The following ABCB5 variants were observed in gnomAD, a reference collection of about 807,000 sequenced individuals.
ABCB5 encodes the protein ATP-binding cassette sub-family B member 5.
In ABCB5, 155 loss-of-function variants were observed where a neutral mutation model predicts 144.2. The ratio of observed to expected loss-of-function variants is 1.08; its 90% CI spans 0.94 to 1.23. ABCB5 has a LOEUF of 1.23. ABCB5 is among the 50% of genes most tolerant of loss of function. ABCB5 has a pLI of 0.00. For synonymous variants in ABCB5, 610 were observed against 528.6 expected (o/e 1.15, Z -2.11); for missense variants, 1,830 against 1,520.8 (o/e 1.20, Z -3.38).
At chr7:20,633,834 C>T (rs1329886250) in intron 5 of ABCB5, among the ~76,000 whole-genome samples, 3 of 151,908 alleles carry the variant, frequency 2.0e-5, no homozygotes, top group Admixed American at 6.6e-5. Context: ...CCTAATATGC[C>T]CTGTCCAATA....
intron 20 of ABCB5, among the ~76,000 whole-genome samples, chr7:20,719,932 T>C (rs1223599596): frequency 8.0e-6 from 1 of 125,162 alleles, no homozygotes; most frequent in Non-Finnish European, 1.6e-5. Flanking sequence ...TGTGTGTTTG[T>C]ACCTATCAAT....
At chr7:20,667,191 A>G in intron 14 of ABCB5, 1 of 896,862 alleles carries the variant, frequency 1.1e-6, no homozygotes, top group South Asian at 5.2e-5. Flanking sequence ...TCATGCTATA[A>G]TAAGTTAAAT....
intron 14 of ABCB5, among the ~76,000 whole-genome samples, chr7:20,676,425 G>C (rs931004927): frequency 3.3e-5 from 5 of 150,608 alleles, no homozygotes; most frequent in African/African-American, 1.3e-4. Flanking sequence ...CTTTAAAAAG[G>C]AGGAAGTCCA....
chr7:20,749,220 C>CCG (rs1562592763), intron 26 of ABCB5, among the ~76,000 whole-genome samples: 1 of 139,136 alleles, frequency 7.2e-6, no homozygotes, highest in Non-Finnish European at 1.6e-5. Flanking sequence ...CTCCCTCCCC[C>CCG]TCTCTCTCTT....
intron 5 of ABCB5, among the ~76,000 whole-genome samples, chr7:20,640,208 G>A (rs1784263986): frequency 6.6e-6 from 1 of 152,070 alleles, no homozygotes; most frequent in Non-Finnish European, 1.5e-5. Context: ...ATTTATGATA[G>A]TTAATGTTCT....
rs368470615 is a variant in ABCB5 at position 20,650,163 on chromosome 7, A to G, written c.1332+16A>G. 21 of 1,613,054 alleles carry G rather than the reference A, an allele frequency of 1.3e-5. No homozygotes were observed. Among genetic ancestry groups the G allele is most frequent in the Admixed American group, 3.3e-5 (2 of 59,958 alleles). On this transcript the variant is annotated intron_variant, in intron 12 of 27. Coordinates refer to ENST00000404938, the MANE Select transcript of ABCB5 (RefSeq NM_001163941.2). ...TGATGGCTTTGTAAGTGCAGCTAGC[A>G]AAACCATGCACAGTCCACCTAATGG... is the stretch of plus-strand genomic sequence containing the variant.
At chr7:20,621,182 T>G (rs547433586) in intron 1 of ABCB5, among the ~76,000 whole-genome samples, 1 of 152,188 alleles carries the variant, frequency 6.6e-6, no homozygotes, top group South Asian at 2.1e-4. Context: ...ACACCTACAA[T>G]AGTCAAATTC....
chr7:20,647,939 A>T (rs1353214051), intron 10 of ABCB5, 29 bp from the exon 11 acceptor site: 2 of 1,400,924 alleles, frequency 1.4e-6, no homozygotes, highest in Non-Finnish European at 2.0e-6. Flanking sequence ...TCCTTTGAAG[A>T]TTTATAACAT....
rs548921086 is a variant in ABCB5, at chr7:20,703,834, T to C, written c.2338-890T>C. On this transcript the variant is annotated intron_variant, in intron 19 of 27. Coordinates refer to ENST00000404938, the MANE Select transcript of ABCB5 (RefSeq NM_001163941.2). ...GTTATTACATTATACTTTTATTGCT[T>C]GTAATTTTGACGTGACTCCTTCTTT... Among the ~76,000 whole-genome samples the C allele has an allele frequency of 3.8e-3, 577 of 152,258 alleles. 1 individual carries two copies. Among genetic ancestry groups the C allele is most frequent in the African/African-American group, 0.012 (505 of 41,550 alleles).
At position 20,674,793 on chromosome 7, in the gene ABCB5, GAACT is replaced by G. The variant is rs529155068; in HGVS notation, c.1708-6709_1708-6706del. 3.9e-3 allele frequency among the ~76,000 whole-genome samples: 568 copies of G among 144,808 alleles called. 4 individuals carry two copies. Among genetic ancestry groups the G allele is most frequent in the African/African-American group, 0.014 (538 of 39,138 alleles). The allele number at this position is 144,808 out of a possible 152,430, so 95.0% of individuals were successfully genotyped here. ...ACACACACACACACACAAACTGTTAGAACTAATAAATGAATTCAGTAAGGTTGCA... is the reference window on the plus strand; with the variant it reads ...ACACACACACACACACAAACTGTTAGAATAAATGAATTCAGTAAGGTTGCA... On this transcript the variant is annotated intron_variant, in intron 14 of 27. Transcript: ENST00000404938.
chr7:20,738,705 A>G (rs1782465408), intron 23 of ABCB5, among the ~76,000 whole-genome samples: 2 of 152,216 alleles, frequency 1.3e-5, no homozygotes, highest in Non-Finnish European at 2.9e-5. Flanking sequence ...AAGAAGTTTT[A>G]TATTCACTAG....
At chr7:20,653,373 G>C (rs1489938211) in intron 13 of ABCB5, among the ~76,000 whole-genome samples, 1 of 152,128 alleles carries the variant, frequency 6.6e-6, no homozygotes, top group African/African-American at 2.4e-5. Flanking sequence ...TCCAGAAGTG[G>C]CTAATTTAGG....
At chr7:20,691,506 A>T (rs535321705) in intron 16 of ABCB5, among the ~76,000 whole-genome samples, 133 of 152,070 alleles carry the variant, frequency 8.7e-4, no homozygotes, top group South Asian at 3.5e-3. Flanking sequence ...GATTAAAAGG[A>T]GCAATTCTTA....
rs59970398 is a variant in ABCB5 at position 20,618,764 on chromosome 7, C to CTTTTTTTTTTTT, written c.-22+2944_-22+2955dup. Among the ~76,000 whole-genome samples the CTTTTTTTTTTTT allele has an allele frequency of 2.3e-4, 12 of 51,574 alleles. 3 individuals are homozygous for CTTTTTTTTTTTT. The highest frequency in any genetic ancestry group is 1.4e-3 in the East Asian group (2 of 1,440). The allele number at this position is 51,574 out of a possible 152,430, so 33.8% of individuals were successfully genotyped here. On this transcript the variant is annotated intron_variant, in intron 1 of 27. Transcript: ENST00000404938. Reference sequence around the variant, plus strand: ...TCATGGCATATATGTGCTGCATTTTCTTTTTTTTTTTTTTTTTTTTTTTTT... The same window carrying CTTTTTTTTTTTT: ...TCATGGCATATATGTGCTGCATTTTCTTTTTTTTTTTTTTTTTTTTTTTTTTTTTTTTTTTTT...
chr7:20,731,344 C>G (rs1047083861), intron 23 of ABCB5, among the ~76,000 whole-genome samples: 4 of 117,690 alleles, frequency 3.4e-5, no homozygotes, highest in African/African-American at 1.4e-4. Flanking sequence ...CAGAGCAAGA[C>G]TCCAACTCAG....
intron 14 of ABCB5, among the ~76,000 whole-genome samples, chr7:20,666,189 A>AAAG (rs1412563568): frequency 1.3e-5 from 2 of 149,108 alleles, no homozygotes; most frequent in East Asian, 2.0e-4. Flanking sequence ...AAAAAAAAAA[A>AAAG]GTTGACGATA....
At chr7:20,681,837 A>C (rs1583422342) in intron 15 of ABCB5, among the ~76,000 whole-genome samples, 171 bp downstream of exon 15, 1 of 152,200 alleles carries the variant, frequency 6.6e-6, no homozygotes, top group East Asian at 1.9e-4. Flanking sequence ...GTTGTGCTCA[A>C]TAATATGATG....
At chr7:20,675,661 G>T (rs370768889) in intron 14 of ABCB5, among the ~76,000 whole-genome samples, 7 of 151,384 alleles carry the variant, frequency 4.6e-5, no homozygotes, top group African/African-American at 1.7e-4. Flanking sequence ...AAATAGGTAG[G>T]ACTACATCAA....
Position 20,681,601 on chromosome 7 carries a change from G to C in ABCB5, c.1804G>C (p.Glu602Gln). The change falls in exon 15 of 28, where the codon GAG becomes CAG. Residue 602 changes from glutamate to glutamine, a missense_variant. By Grantham distance (29) the Glu-to-Gln change is conservative (BLOSUM62 2). Transcript: ENST00000404938. Reference protein sequence around the residue: ...IVTLKDGMLAEKGAHAELMAK... With the variant: ...IVTLKDGMLAQKGAHAELMAK... Reference sequence around the variant, plus strand: ...GACCCTAAAGGATGGAATGCTGGCGGAGAAAGGAGCACATGCTGAACTAAT... The same window carrying C: ...GACCCTAAAGGATGGAATGCTGGCGCAGAAAGGAGCACATGCTGAACTAAT... 1 of 1,614,174 alleles carries C rather than the reference G, an allele frequency of 6.2e-7. No individual in the cohort carries two copies. Among genetic ancestry groups the C allele is most frequent in the South Asian group, 1.1e-5 (1 of 91,082 alleles).
Sources: allele counts gnomAD v4.1 joint callset (sites outside exome capture counted in the v4.1 genomes callset), GRCh38; gene constraint gnomAD v4.1.1; transcripts MANE v1.5; gene names NCBI Gene and HGNC (gene_info 2026-07-23, HGNC 2026-07-21).